CADPS2: variants seen among roughly 807,000 people sequenced by gnomAD.
CADPS2 encodes the protein calcium dependent secretion activator 2, also known as calcium-dependent secretion activator 2.
A neutral mutation model predicts 172.5 loss-of-function variants in CADPS2; 93 were observed. The observed-to-expected ratio is 0.54, with a 90% CI of 0.46 to 0.64. CADPS2 has a LOEUF of 0.64. Ranked by LOEUF, CADPS2 falls within the 30% of genes least tolerant of loss-of-function variation. CADPS2 has a pLI of 0.00. For missense variants in CADPS2, 1,420 were observed against 1,565.9 expected (o/e 0.91, Z 1.57); for synonymous variants, 546 against 555.2 (o/e 0.98, Z 0.23).
chr7:122,871,842 A>G (rs1053727847), intron 1 of CADPS2, among the ~76,000 whole-genome samples: 4 of 151,974 alleles, frequency 2.6e-5, no homozygotes, highest in African/African-American at 4.8e-5. Context: ...ACATCTGGCT[A>G]CTTCTTCTCC....
Position 122,456,662 on chromosome 7 carries a change from C to T in CADPS2, c.2187-5187G>A, listed in dbSNP as rs546242866. Among the ~76,000 whole-genome samples the T allele has an allele frequency of 1.2e-4, 18 of 152,292 alleles. No homozygotes were observed. The East Asian group carries it at 3.5e-3, about 29-fold the overall frequency. On this transcript the variant is annotated intron_variant, in intron 14 of 29. Coordinates refer to ENST00000449022, the MANE Select transcript of CADPS2 (RefSeq NM_017954.11). ...TTCTTAAAAAACAGAATTTGTACAA[C>T]AGAACCTTCTGCCACTGAGGCCTGA...
intron 9 of CADPS2, among the ~76,000 whole-genome samples, chr7:122,502,671 A>T (rs2130482011): frequency 1.3e-5 from 2 of 152,130 alleles, no homozygotes; most frequent in East Asian, 3.9e-4. Flanking sequence ...CTCAGGAATA[A>T]TTTTTCATGT....
intron 1 of CADPS2, among the ~76,000 whole-genome samples, chr7:122,820,159 G>C (rs1051634307): frequency 4.7e-4 from 71 of 151,976 alleles, no homozygotes; most frequent in African/African-American, 1.6e-3. Flanking sequence ...CCATTATTCT[G>C]TTCTAGATCT....
intron 1 of CADPS2, among the ~76,000 whole-genome samples, chr7:122,746,036 T>G (rs1224760929): frequency 6.6e-6 from 1 of 152,148 alleles, no homozygotes; most frequent in Admixed American, 6.6e-5. Context: ...GTTCTTCATC[T>G]ATATAATAAG....
chr7:122,743,445 C>G (rs1456939721), intron 1 of CADPS2, among the ~76,000 whole-genome samples: 3 of 152,134 alleles, frequency 2.0e-5, no homozygotes, highest in Non-Finnish European at 2.9e-5. Context: ...GCAACCATGG[C>G]TGCATGGAGC....
At chr7:122,883,606 A>G (rs1823535668) in intron 1 of CADPS2, among the ~76,000 whole-genome samples, 1 of 152,094 alleles carries the variant, frequency 6.6e-6, no homozygotes, top group Admixed American at 6.5e-5. Context: ...TCACATAAAC[A>G]TAGTTAAATT....
At chr7:122,668,015 G>A (rs539616291) in intron 2 of CADPS2, among the ~76,000 whole-genome samples, 1 of 152,202 alleles carries the variant, frequency 6.6e-6, no homozygotes, top group African/African-American at 2.4e-5. Flanking sequence ...ATGGTTAGAA[G>A]CATACGTTAG....
chr7:122,584,642 G>A (rs1210933762), intron 6 of CADPS2, among the ~76,000 whole-genome samples: 1 of 151,736 alleles, frequency 6.6e-6, no homozygotes, highest in Admixed American at 6.6e-5. Flanking sequence ...TTGAATGCAT[G>A]GTCATTAATT....
chr7:122,636,999 G>A (rs1029660318), intron 3 of CADPS2, among the ~76,000 whole-genome samples: 6 of 151,844 alleles, frequency 4.0e-5, no homozygotes, highest in Non-Finnish European at 8.8e-5. Flanking sequence ...TAGATTTGGT[G>A]TCTTCATATA....
intron 2 of CADPS2, among the ~76,000 whole-genome samples, chr7:122,669,243 A>G (rs2081506857): frequency 6.6e-6 from 1 of 152,004 alleles, no homozygotes; most frequent in Non-Finnish European, 1.5e-5. Flanking sequence ...AGGTGGGAAG[A>G]TCGCTCAATC....
intron 2 of CADPS2, among the ~76,000 whole-genome samples, chr7:122,691,524 T>C (rs2084363161): frequency 6.6e-6 from 1 of 152,210 alleles, no homozygotes; most frequent in African/African-American, 2.4e-5. Context: ...AGCCTCACCA[T>C]GCAACCCCAG....
chr7:122,546,389 T>C (rs1298562869), intron 8 of CADPS2, among the ~76,000 whole-genome samples: 1 of 152,206 alleles, frequency 6.6e-6, no homozygotes, highest in African/African-American at 2.4e-5. Flanking sequence ...TACCCGTATG[T>C]TAACATCTAT....
At chr7:122,656,986 T>C (rs2079880060) in intron 3 of CADPS2, among the ~76,000 whole-genome samples, 1 of 152,198 alleles carries the variant, frequency 6.6e-6, no homozygotes, top group South Asian at 2.1e-4. Context: ...AATTTTTGTA[T>C]AAGGTGTAAG....
intron 7 of CADPS2, among the ~76,000 whole-genome samples, chr7:122,565,065 A>G (rs2132326432): frequency 6.6e-6 from 1 of 152,194 alleles, no homozygotes; most frequent in East Asian, 1.9e-4. Context: ...TAGACACTGG[A>G]GACTCCAAAA....
At chr7:122,433,721 A>G (rs1419402525) in intron 17 of CADPS2, among the ~76,000 whole-genome samples, 1 of 152,064 alleles carries the variant, frequency 6.6e-6, no homozygotes, top group Non-Finnish European at 1.5e-5. Flanking sequence ...TCTTTTCTAA[A>G]CAAGCATTTC....
At chr7:122,862,683 T>C (rs1817247285) in intron 1 of CADPS2, among the ~76,000 whole-genome samples, 2 of 152,138 alleles carry the variant, frequency 1.3e-5, no homozygotes, top group Admixed American at 6.6e-5. Context: ...AACTATTTTT[T>C]GCTGGACCCT....
At chr7:122,836,361 AC>A (rs1808414911) in intron 1 of CADPS2, among the ~76,000 whole-genome samples, 1 of 152,198 alleles carries the variant, frequency 6.6e-6, no homozygotes, top group Non-Finnish European at 1.5e-5. Context: ...CTGGGAAGAA[AC>A]TGCATCAACT....
intron 1 of CADPS2, among the ~76,000 whole-genome samples, chr7:122,761,973 G>A (rs1355564237): frequency 7.0e-6 from 1 of 142,458 alleles, no homozygotes; most frequent in African/African-American, 2.6e-5. Flanking sequence ...ACTCTAGCCT[G>A]GGTGAAAAGT....
intron 7 of CADPS2, among the ~76,000 whole-genome samples, chr7:122,566,812 A>C (rs2066533609): frequency 6.6e-6 from 1 of 152,194 alleles, no homozygotes; most frequent in Non-Finnish European, 1.5e-5. Flanking sequence ...ATAACTTTGC[A>C]TAGGAGAAAT....
Sources: allele counts gnomAD v4.1 joint callset (sites outside exome capture counted in the v4.1 genomes callset), GRCh38; gene constraint gnomAD v4.1.1; transcripts MANE v1.5; gene names NCBI Gene and HGNC (gene_info 2026-07-23, HGNC 2026-07-21).